SPSB1: variants seen among roughly 807,000 people sequenced by gnomAD.
SPSB1 encodes the protein splA/ryanodine receptor domain and SOCS box containing 1, also known as SPRY domain-containing SOCS box protein 1.
In SPSB1, 8 loss-of-function variants were observed where a neutral mutation model predicts 21.2. The ratio of observed to expected loss-of-function variants is 0.38; its 90% CI spans 0.22 to 0.68. The LOEUF (loss-of-function observed/expected upper bound fraction) is 0.68. SPSB1 is among the 30% of genes least tolerant of loss of function. The pLI is 0.53. For synonymous variants in SPSB1, 169 were observed against 161.7 expected (o/e 1.05, Z -0.34); for missense variants, 242 against 377.8 (o/e 0.64, Z 2.98).
chr1:9,349,116 C>G (rs1640210857), intron 1 of SPSB1, among the ~76,000 whole-genome samples: 1 of 152,156 alleles, frequency 6.6e-6, no homozygotes, highest in Non-Finnish European at 1.5e-5. Context: ...CTTTTAATGG[C>G]CTTCACTGTG....
At chr1:9,343,820 C>T (rs1640126977) in intron 1 of SPSB1, among the ~76,000 whole-genome samples, 1 of 152,112 alleles carries the variant, frequency 6.6e-6, no homozygotes, top group African/African-American at 2.4e-5. Context: ...GAGTCTCGCT[C>T]TGTTGCCTAG....
rs1260988069 is a variant in SPSB1, at chr1:9,324,959, C to A, written c.-149-30784C>A. On this transcript the variant is annotated intron_variant, in intron 1 of 2. Transcript: ENST00000328089. The surrounding 1 kb of genome is among the most constrained non-coding windows in gnomAD (Gnocchi z 4.3). ...CACCCGGCCTGGCGGGCTGGTGGAT[C>A]GGAGGCGCCTGTGAGCGGGTCAGTA... is the stretch of plus-strand genomic sequence containing the variant. 6.6e-6 allele frequency among the ~76,000 whole-genome samples: 1 copy of A among 152,216 alleles called. No homozygotes were observed. The highest frequency in any genetic ancestry group is 1.5e-5 in the Non-Finnish European group (1 of 68,038).
chr1:9,367,700 C>A lies in SPSB1; in HGVS notation c.*125C>A. ...GTAGCCATGGACAGAGGTCCCTGGT[C>A]TTCCCTCATCCTCCGTGGCTGCCTC... On this transcript the variant is annotated 3_prime_UTR_variant, in exon 3 of 3. Transcript: ENST00000328089. This position sits in a 1 kb window ranked among gnomAD's most constrained non-coding sequence, Gnocchi z 5.9. The A allele has an allele frequency of 7.2e-7, 1 of 1,387,520 alleles. No homozygotes were observed. Among genetic ancestry groups the A allele is most frequent in the Non-Finnish European group, 9.5e-7 (1 of 1,049,164 alleles). The allele number at this position is 1,387,520 out of a possible 1,614,324, so 86.0% of individuals were successfully genotyped here.
At chr1:9,334,599 G>A (rs1470041156) in intron 1 of SPSB1, among the ~76,000 whole-genome samples, 1 of 152,234 alleles carries the variant, frequency 6.6e-6, no homozygotes, top group East Asian at 1.9e-4. Flanking sequence ...CATCACCGTT[G>A]TCCATCTCCA....
intron 1 of SPSB1, among the ~76,000 whole-genome samples, chr1:9,314,601 G>A (rs1297217074): frequency 6.6e-6 from 1 of 152,234 alleles, no homozygotes; most frequent in Non-Finnish European, 1.5e-5. Context: ...ACAAAGAATT[G>A]CAGAAAGTGG....
intron 1 of SPSB1, among the ~76,000 whole-genome samples, chr1:9,341,736 C>G (rs1640094022): frequency 6.6e-6 from 1 of 152,156 alleles, no homozygotes; most frequent in African/African-American, 2.4e-5. Context: ...GGGTTTCACT[C>G]TTGTTGCCCA....
chr1:9,307,972 G>A (rs1639450052), intron 1 of SPSB1, among the ~76,000 whole-genome samples: 1 of 152,198 alleles, frequency 6.6e-6, no homozygotes, highest in African/African-American at 2.4e-5. Context: ...CTGAGGCTGG[G>A]AGTCTGTAAC....
At chr1:9,322,975 C>T (rs1012078924) in intron 1 of SPSB1, among the ~76,000 whole-genome samples, 2 of 151,942 alleles carry the variant, frequency 1.3e-5, no homozygotes, top group Middle Eastern at 3.2e-3. Context: ...AAATAGGTCA[C>T]TCCCTTCCCG....
Position 9,367,488 on chromosome 1 carries a change from G to T in SPSB1, c.735G>T (p.Val245=), listed in dbSNP as rs772545430. 2.1e-5 allele frequency: 34 copies of T among 1,613,654 alleles called. No homozygotes were observed. Among genetic ancestry groups the T allele is most frequent in the Non-Finnish European group, 2.7e-5 (32 of 1,179,916 alleles). ...LPLMDLCRRS[V]RLALGRERLG... is the part of the protein sequence containing the mutation. ...TCATGGATTTGTGCCGTCGCTCGGT[G>T]CGCCTGGCCCTGGGGAGGGAGCGCC... The change falls in exon 3 of 3, where the codon GTG becomes GTT. Residue 245 remains valine (V), a synonymous_variant. Transcript: ENST00000328089. This position sits in a 1 kb window ranked among gnomAD's most constrained non-coding sequence, Gnocchi z 5.9.
At chr1:9,315,951 C>T (rs1404596976) in intron 1 of SPSB1, among the ~76,000 whole-genome samples, 2 of 152,232 alleles carry the variant, frequency 1.3e-5, no homozygotes, top group Admixed American at 6.5e-5. Context: ...CGTGCGGCTC[C>T]GGGCATCCTG....
rs901025761 is a variant in SPSB1, at chr1:9,293,656, G to C, written c.-150+585G>C. ...CGCCGCGGCTTCTCCCAGCAGCGGA[G>C]GGAGAGCCGGAGGGTTGTCAGGAAA... On this transcript the variant is annotated intron_variant, in intron 1 of 2. Transcript: ENST00000328089. This position sits in a 1 kb window ranked among gnomAD's most constrained non-coding sequence, Gnocchi z 5.1. Among the ~76,000 whole-genome samples the C allele has an allele frequency of 6.6e-6, 1 of 152,182 alleles. No homozygotes were observed. The highest frequency in any genetic ancestry group is 1.5e-5 in the Non-Finnish European group (1 of 68,008).
intron 1 of SPSB1, among the ~76,000 whole-genome samples, chr1:9,352,673 C>T (rs921512726): frequency 3.3e-5 from 5 of 151,994 alleles, no homozygotes; most frequent in African/African-American, 4.8e-5. Flanking sequence ...CCTCCTTCCC[C>T]GTCCCTCCCT....
chr1:9,318,805 CAT>C (rs1639656505), intron 1 of SPSB1, among the ~76,000 whole-genome samples: 1 of 151,816 alleles, frequency 6.6e-6, no homozygotes, highest in African/African-American at 2.4e-5. Context: ...GGACTCACTG[CAT>C]ATAGTGGGGG....
In SPSB1 at chr1:9,348,972, C is replaced by T. The variant is rs9661380; in HGVS notation, c.-149-6771C>T. Among the ~76,000 whole-genome samples, 729 of 150,984 alleles carry T rather than the reference C, an allele frequency of 4.8e-3. 4 individuals are homozygous for T. Among genetic ancestry groups the T allele is most frequent in the Non-Finnish European group, 8.8e-3 (593 of 67,710 alleles). ...GTGTGTGTGTGTGTGTGTATATGTG[C>T]GTGTGTGCACGTGCATGTGTGTGTG... On this transcript the variant is annotated intron_variant, in intron 1 of 2. Coordinates refer to ENST00000328089, the MANE Select transcript of SPSB1 (RefSeq NM_025106.4). The surrounding 1 kb of genome is among the most constrained non-coding windows in gnomAD (Gnocchi z 4.8).
rs1375487155 is a variant in SPSB1 at position 9,317,837 on chromosome 1, A to T, written c.-150+24766A>T. Among the ~76,000 whole-genome samples the T allele has an allele frequency of 7.4e-6, 1 of 134,728 alleles. No homozygotes were observed. The highest frequency in any genetic ancestry group is 1.6e-5 in the Non-Finnish European group (1 of 64,226). The allele number at this position is 134,728 out of a possible 152,430, so 88.4% of individuals were successfully genotyped here. A position where few individuals can be genotyped will look rare whatever the true frequency, so the allele number is the denominator to read the frequency against. ...GTGATTTCCGGTGGCGAGGGAACCAATTTTTTTTTTTTTTTTTTTGAGACC... is the reference window on the plus strand; with the variant it reads ...GTGATTTCCGGTGGCGAGGGAACCATTTTTTTTTTTTTTTTTTTTGAGACC... On this transcript the variant is annotated intron_variant, in intron 1 of 2. Transcript: ENST00000328089. The surrounding 1 kb of genome is among the most constrained non-coding windows in gnomAD (Gnocchi z 4.3).
chr1:9,337,320 C>T (rs964929081), intron 1 of SPSB1, among the ~76,000 whole-genome samples: 6 of 152,102 alleles, frequency 3.9e-5, no homozygotes, highest in African/African-American at 9.7e-5. Context: ...TCTAAGAGGC[C>T]AAGGACGGGG....
intron 1 of SPSB1, among the ~76,000 whole-genome samples, chr1:9,352,678 CT>C (rs1267037102): frequency 6.6e-6 from 1 of 151,976 alleles, no homozygotes; most frequent in African/African-American, 2.4e-5. Context: ...TTCCCCGTCC[CT>C]CCCTGTCTCA....
intron 1 of SPSB1, among the ~76,000 whole-genome samples, chr1:9,306,004 G>A (rs17033734): frequency 2.6e-5 from 4 of 152,286 alleles, no homozygotes; most frequent in Admixed American, 2.6e-4. Flanking sequence ...TAACGTGGGA[G>A]AGGGGTTCGT....
At chr1:9,300,677 C>T (rs943719578) in intron 1 of SPSB1, among the ~76,000 whole-genome samples, 9 of 152,168 alleles carry the variant, frequency 5.9e-5, no homozygotes, top group African/African-American at 9.7e-5. Flanking sequence ...ATGATCTGAC[C>T]GACCAAACCA....
Sources: allele counts gnomAD v4.1 joint callset (sites outside exome capture counted in the v4.1 genomes callset), GRCh38; gene constraint gnomAD v4.1.1; non-coding constraint Gnocchi (gnomAD v3.1); transcripts MANE v1.5; gene names NCBI Gene and HGNC (gene_info 2026-07-23, HGNC 2026-07-21).